Variants in UNC5D observed in about 807,000 individuals in gnomAD.
UNC5D encodes the protein unc-5 netrin receptor D, also known as netrin receptor UNC5D.
In UNC5D, 39 loss-of-function variants were observed where a neutral mutation model predicts 105.4. That is an observed-to-expected ratio of 0.37 (90% CI 0.29 to 0.48). UNC5D has a LOEUF of 0.48. UNC5D is among the 20% of genes least tolerant of loss of function. UNC5D has a pLI of 0.98. For missense variants in UNC5D, 991 were observed against 1,202.4 expected, an observed-to-expected ratio of 0.82 and a Z score of 2.60; for synonymous variants, 452 against 450.4, an observed-to-expected ratio of 1.00 and a Z score of -0.04.
At chr8:35,296,456 G>A (rs1807495146) in intron 1 of UNC5D, among the ~76,000 whole-genome samples, 1 of 152,092 alleles carries the variant, frequency 6.6e-6, no homozygotes, top group African/African-American at 2.4e-5. Flanking sequence ...TTTTGCTCTT[G>A]TTGCCCAGGC....
chr8:35,567,672 C>A (rs1817445523), intron 2 of UNC5D, among the ~76,000 whole-genome samples: 1 of 152,254 alleles, frequency 6.6e-6, no homozygotes, highest in East Asian at 1.9e-4. Context: ...CAGACTGTTA[C>A]AATGACTCAC....
intron 16 of UNC5D, among the ~76,000 whole-genome samples, chr8:35,777,862 G>A (rs1056343424): frequency 6.6e-6 from 1 of 152,190 alleles, no homozygotes; most frequent in Admixed American, 6.5e-5. Flanking sequence ...GGGAGGAAAA[G>A]AAAGAGGGAA....
intron 1 of UNC5D, among the ~76,000 whole-genome samples, chr8:35,368,782 C>T (rs1037633413): frequency 6.6e-6 from 1 of 151,964 alleles, no homozygotes; most frequent in East Asian, 1.9e-4. Flanking sequence ...ATATTGGGTC[C>T]CTTAGAACAA....
chr8:35,778,722 A>C (rs1219790693), intron 16 of UNC5D, among the ~76,000 whole-genome samples: 1 of 152,242 alleles, frequency 6.6e-6, no homozygotes, highest in Non-Finnish European at 1.5e-5. Flanking sequence ...TCATTAAGGA[A>C]AACTTTCAAA....
intron 1 of UNC5D, chr8:35,525,655 T>G (rs200374865): frequency 3.2e-4 from 513 of 1,612,948 alleles, no homozygotes; most frequent in Admixed American, 6.0e-4. Context: ...GCCAGCATTT[T>G]GGATTGGTAG....
rs141494723 is a variant in UNC5D, at chr8:35,544,698, G to A, written c.104-4594G>A. Among the ~76,000 whole-genome samples the A allele has an allele frequency of 9.1e-3, 1,362 of 149,926 alleles. 17 individuals carry two copies. The highest frequency in any genetic ancestry group is 0.031 in the African/African-American group (1,273 of 40,628). On this transcript the variant is annotated intron_variant, in intron 1 of 16. Transcript: ENST00000404895. Reference sequence around the variant, plus strand: ...GCTCACGGCAACCTCTGCCTTCCGGGTACAAGTGATTTTCCAGCCTCAGCC... The same window carrying A: ...GCTCACGGCAACCTCTGCCTTCCGGATACAAGTGATTTTCCAGCCTCAGCC...
chr8:35,634,280 G>A (rs1419824032), intron 4 of UNC5D, among the ~76,000 whole-genome samples: 1 of 152,166 alleles, frequency 6.6e-6, no homozygotes, highest in East Asian at 1.9e-4. Context: ...AGGCAAGTAA[G>A]CACGGCACAC....
chr8:35,240,264 T>C (rs1279105459), intron 1 of UNC5D, among the ~76,000 whole-genome samples: 1 of 152,160 alleles, frequency 6.6e-6, no homozygotes, highest in Admixed American at 6.5e-5. Flanking sequence ...CCCTTTACTT[T>C]CTAAATGGCT....
chr8:35,381,263 A>G (rs180675460), intron 1 of UNC5D, among the ~76,000 whole-genome samples: 1 of 152,240 alleles, frequency 6.6e-6, no homozygotes, highest in African/African-American at 2.4e-5. Context: ...GAAAGATTTT[A>G]TGGAGCAAAT....
intron 1 of UNC5D, among the ~76,000 whole-genome samples, chr8:35,520,774 A>T (rs1200020429): frequency 6.6e-6 from 1 of 152,138 alleles, no homozygotes; most frequent in Non-Finnish European, 1.5e-5. Context: ...ATTACCATTA[A>T]GTTTCACATG....
chr8:35,683,766 C>T, intron 5 of UNC5D, 39 bp downstream of exon 5: 2 of 1,444,156 alleles, frequency 1.4e-6, no homozygotes, highest in Non-Finnish European at 1.8e-6. Context: ...ATAGGGAGGG[C>T]AGAAAGAGGT....
rs1436154871 is a variant in UNC5D, at chr8:35,314,065, T to G, written c.103+78178T>G. 5.9e-5 allele frequency among the ~76,000 whole-genome samples: 9 copies of G among 152,174 alleles called. No homozygotes were observed. The East Asian group carries it at 1.7e-3, about 29-fold the overall frequency. ...CTGAAAATAATAGATTGTTACAATT[T>G]CTCTTTCAAAAAAATCTAGTTGAAA... is the stretch of plus-strand genomic sequence containing the variant. On this transcript the variant is annotated intron_variant, in intron 1 of 16. Transcript: ENST00000404895.
chr8:35,477,770 T>C (rs1455618414), intron 1 of UNC5D, among the ~76,000 whole-genome samples: 1 of 152,134 alleles, frequency 6.6e-6, no homozygotes, highest in Non-Finnish European at 1.5e-5. Flanking sequence ...GTGGTAATAT[T>C]TGATACATAG....
At chr8:35,315,575 A>G (rs1241003365) in intron 1 of UNC5D, among the ~76,000 whole-genome samples, 6 of 152,196 alleles carry the variant, frequency 3.9e-5, no homozygotes, top group Admixed American at 3.9e-4. Flanking sequence ...AGTCTCTGCT[A>G]ACTCCTCTTT....
At chr8:35,462,473 A>G (rs1808971301) in intron 1 of UNC5D, among the ~76,000 whole-genome samples, 1 of 152,192 alleles carries the variant, frequency 6.6e-6, no homozygotes, top group Non-Finnish European at 1.5e-5. Context: ...TTTAAAGGTT[A>G]TTATGCATCA....
chr8:35,540,444 G>GGTGTGTGT (rs11467586), intron 1 of UNC5D, among the ~76,000 whole-genome samples: 2,888 of 142,760 alleles, frequency 0.02, 67 homozygotes, highest in African/African-American at 0.061. Context: ...AAAGCAGAGG[G>GGTGTGTGT]GTGTGTGTGT....
At chr8:35,563,181 G>C (rs1179514612) in intron 2 of UNC5D, among the ~76,000 whole-genome samples, 2 of 151,872 alleles carry the variant, frequency 1.3e-5, no homozygotes, top group Non-Finnish European at 2.9e-5. Context: ...TCTTGAATCT[G>C]TACATTGCTT....
chr8:35,755,515 T>C (rs1830478272), intron 13 of UNC5D, among the ~76,000 whole-genome samples: 1 of 150,460 alleles, frequency 6.6e-6, no homozygotes, highest in South Asian at 2.1e-4. Context: ...AACAGTTTTG[T>C]CTCATAAATA....
chr8:35,627,279 C>A (rs1158616173), intron 4 of UNC5D, among the ~76,000 whole-genome samples: 1 of 152,166 alleles, frequency 6.6e-6, no homozygotes, highest in Non-Finnish European at 1.5e-5. Context: ...GTTCCAACTT[C>A]CGAACAATAA....
Sources: allele counts gnomAD v4.1 joint callset (sites outside exome capture counted in the v4.1 genomes callset), GRCh38; gene constraint gnomAD v4.1.1; transcripts MANE v1.5; gene names NCBI Gene and HGNC (gene_info 2026-07-23, HGNC 2026-07-21).